Variants in INVS observed in about 807,000 individuals in gnomAD.
INVS encodes inversion of embryo turning homolog.
A neutral mutation model predicts 108.8 loss-of-function variants in INVS; 86 were observed. The observed-to-expected ratio is 0.79, with a 90% CI of 0.66 to 0.95. INVS has a LOEUF of 0.95. Ranked by LOEUF, INVS falls within the 40% of genes least tolerant of loss-of-function variation. INVS has a pLI of 0.00. For missense variants in INVS, 1,169 were observed against 1,297.4 expected, an observed-to-expected ratio of 0.90 and a Z score of 1.52; for synonymous variants, 455 against 473.5, an observed-to-expected ratio of 0.96 and a Z score of 0.51.
intron 2 of INVS, chr9:100,117,473 T>G (rs1029254278): frequency 2.2e-5 from 17 of 782,334 alleles, no homozygotes; most frequent in Non-Finnish European, 3.8e-5. Flanking sequence ...ATCCTCGGCC[T>G]TGCCTTCTCG....
intron 3 of INVS, among the ~76,000 whole-genome samples, chr9:100,161,364 C>CAAAAAAAACAAA (rs1374455756): frequency 2.4e-4 from 3 of 12,384 alleles, no homozygotes; most frequent in African/African-American, 9.0e-4. Context: ...ACTTCCATCT[C>CAAAAAAAACAAA]AAAAAAAAAA....
intron 3 of INVS, among the ~76,000 whole-genome samples, chr9:100,181,860 G>A (rs1423713034): frequency 2.6e-5 from 4 of 151,908 alleles, no homozygotes; most frequent in East Asian, 3.9e-4. Context: ...ACCTGACTTC[G>A]AACTACACTA....
At chr9:100,100,062 C>T (rs1826772072) in intron 1 of INVS, among the ~76,000 whole-genome samples, 1 of 152,078 alleles carries the variant, frequency 6.6e-6, no homozygotes, top group African/African-American at 2.4e-5. Flanking sequence ...ACTGCAGTAC[C>T]TCTAGTTTTG....
intron 2 of INVS, among the ~76,000 whole-genome samples, chr9:100,113,099 C>A (rs1827394577): frequency 1.3e-5 from 2 of 152,188 alleles, no homozygotes; most frequent in Non-Finnish European, 2.9e-5. Context: ...GGAACATGCT[C>A]TTATACTACA....
intron 13 of INVS, 107 bp from the exon 14 acceptor site, chr9:100,292,219 T>C: frequency 2.0e-6 from 2 of 1,010,630 alleles, no homozygotes; most frequent in Non-Finnish European, 3.1e-6. Context: ...TAACTGCCAC[T>C]ATTATGGTGA....
intron 3 of INVS, among the ~76,000 whole-genome samples, chr9:100,140,141 T>C (rs936873621): frequency 6.6e-5 from 10 of 152,234 alleles, no homozygotes; most frequent in African/African-American, 2.4e-4. Context: ...TATGGATTTA[T>C]AGATATTTCA....
chr9:100,240,346 A>G (rs535529641), intron 6 of INVS, 106 bp downstream of exon 6: 8 of 792,574 alleles, frequency 1.0e-5, no homozygotes, highest in Admixed American at 5.7e-5. Context: ...AATTATTTTG[A>G]TTTCTAACTG....
chr9:100,110,562 T>C (rs1273718378), intron 2 of INVS, among the ~76,000 whole-genome samples: 4 of 152,188 alleles, frequency 2.6e-5, no homozygotes, highest in African/African-American at 4.8e-5. Flanking sequence ...TAGATGGGAT[T>C]TTTCTTAACA....
intron 5 of INVS, among the ~76,000 whole-genome samples, chr9:100,237,982 G>A (rs1831743581): frequency 6.6e-6 from 1 of 152,116 alleles, no homozygotes; most frequent in African/African-American, 2.4e-5. Flanking sequence ...GGGTTCAAGT[G>A]ATTCTCCTGC....
At chr9:100,107,639 G>C (rs1827220351) in intron 2 of INVS, among the ~76,000 whole-genome samples, 1 of 152,082 alleles carries the variant, frequency 6.6e-6, no homozygotes, top group African/African-American at 2.4e-5. Flanking sequence ...TCAATTTTAA[G>C]GTCACTTCTT....
intron 8 of INVS, among the ~76,000 whole-genome samples, chr9:100,248,338 G>A (rs1832112002): frequency 6.6e-6 from 1 of 152,188 alleles, no homozygotes; most frequent in Admixed American, 6.5e-5. Flanking sequence ...CATGGTTGAA[G>A]TTCAGACATA....
At chr9:100,184,564 G>T (rs1829999560) in intron 3 of INVS, among the ~76,000 whole-genome samples, 1 of 152,156 alleles carries the variant, frequency 6.6e-6, no homozygotes, top group South Asian at 2.1e-4. Flanking sequence ...ATATAGGTTT[G>T]TGCATGTCTG....
At chr9:100,120,129 T>A (rs1352859019) in intron 2 of INVS, among the ~76,000 whole-genome samples, 1 of 152,198 alleles carries the variant, frequency 6.6e-6, no homozygotes, top group Non-Finnish European at 1.5e-5. Flanking sequence ...ATGGGAGCCC[T>A]GTGTGGTGGC....
chr9:100,236,680 C>T (rs949663175), intron 5 of INVS, among the ~76,000 whole-genome samples: 1 of 152,160 alleles, frequency 6.6e-6, no homozygotes, highest in Non-Finnish European at 1.5e-5. Context: ...TGGGTATCAC[C>T]AGCAGAGGCT....
intron 3 of INVS, among the ~76,000 whole-genome samples, chr9:100,185,984 CTG>C (rs781435980): frequency 3.7e-4 from 57 of 152,216 alleles, no homozygotes; most frequent in Non-Finnish European, 6.6e-4. Context: ...ATCTTTGCAA[CTG>C]TGAATTGTGC....
At chr9:100,181,998 A>G (rs1479478565) in intron 3 of INVS, among the ~76,000 whole-genome samples, 2 of 152,174 alleles carry the variant, frequency 1.3e-5, no homozygotes, top group African/African-American at 4.8e-5. Context: ...CAAACCTGAC[A>G]AAAACAAGCA....
At chr9:100,234,755 T>C (rs1432808459) in intron 5 of INVS, among the ~76,000 whole-genome samples, 1 of 152,250 alleles carries the variant, frequency 6.6e-6, no homozygotes, top group Non-Finnish European at 1.5e-5. Flanking sequence ...TCCATTCTTT[T>C]ACATTTGCTG....
At chr9:100,220,600 A>G (rs1831116574) in intron 3 of INVS, among the ~76,000 whole-genome samples, 1 of 152,120 alleles carries the variant, frequency 6.6e-6, no homozygotes, top group Non-Finnish European at 1.5e-5. Flanking sequence ...CTTCGCTCTT[A>G]TACTATTTCC....
At chr9:100,115,584 G>A (rs1827489729) in intron 2 of INVS, among the ~76,000 whole-genome samples, 2 of 151,950 alleles carry the variant, frequency 1.3e-5, no homozygotes, top group South Asian at 4.2e-4. Context: ...TGAGAATGAT[G>A]GTTTCCAGCT....
Sources: gnomAD v4.1 joint callset for allele counts (sites outside exome capture counted in the v4.1 genomes callset) on GRCh38, gnomAD v4.1.1 for gene constraint, MANE v1.5 for transcripts, NCBI Gene and HGNC (gene_info 2026-07-23, HGNC 2026-07-21) for gene names.